PRAG1: variants seen among roughly 807,000 people sequenced by gnomAD.
PRAG1 encodes inactive tyrosine-protein kinase PRAG1.
In PRAG1, 110 loss-of-function variants were observed where a neutral mutation model predicts 95.6. That is an observed-to-expected ratio of 1.15 (90% CI 0.99 to 1.35). PRAG1 has a LOEUF of 1.35. Among genes scored for constraint, PRAG1 ranks in the 40% most tolerant of loss-of-function variants. The pLI is 0.00. For synonymous variants in PRAG1, 1,052 were observed against 819.4 expected (o/e 1.28, Z -4.85); for missense variants, 2,554 against 1,864.7 (o/e 1.37, Z -6.81).
chr8:8,350,398 A>G (rs373864841), intron 3 of PRAG1, among the ~76,000 whole-genome samples: 1 of 152,196 alleles, frequency 6.6e-6, no homozygotes, highest in African/African-American at 2.4e-5. Context: ...ACGTGTTCCA[A>G]CTCATGGCCT....
intron 2 of PRAG1, among the ~76,000 whole-genome samples, chr8:8,380,306 C>A (rs1800589409): frequency 6.6e-6 from 1 of 151,724 alleles, no homozygotes; most frequent in South Asian, 2.1e-4. Context: ...AAATTAAAAA[C>A]TAAAAAAATA....
intron 3 of PRAG1, among the ~76,000 whole-genome samples, chr8:8,341,624 T>C (rs1799166059): frequency 6.6e-6 from 1 of 152,252 alleles, no homozygotes; most frequent in Admixed American, 6.5e-5. Flanking sequence ...TGTTTCTCCT[T>C]TACTCTGTGA....
Position 8,319,132 on chromosome 8 carries a change from A to G in PRAG1, c.3243T>C (p.Pro1081=), listed in dbSNP as rs960327458. The change falls in exon 6 of 6, where the codon CCT becomes CCC. Residue 1081 remains proline (P), a synonymous_variant. Coordinates refer to ENST00000615670, the MANE Select transcript of PRAG1 (RefSeq NM_001080826.3). ...CCACCACGCAGTCCTGCTCCTGGGC[A>G]GGGGGGTGTGTGGGCAGGGCAGGCA... The part of the protein sequence containing the change: ...DPVPALPTHP[P]AQEQDCVVVI... 5.6e-6 allele frequency: 9 copies of G among 1,605,618 alleles called. No individual in the cohort carries two copies. The East Asian group carries it at 2.0e-4, about 36-fold the overall frequency.
intron 3 of PRAG1, among the ~76,000 whole-genome samples, chr8:8,354,764 A>G (rs1048170451): frequency 3.1e-4 from 47 of 152,162 alleles, no homozygotes; most frequent in Non-Finnish European, 1.9e-4. Context: ...GGTATAAAAG[A>G]AAAGTTCCTC....
intron 3 of PRAG1, among the ~76,000 whole-genome samples, chr8:8,371,516 A>C (rs1053309094): frequency 3.3e-5 from 5 of 151,874 alleles, no homozygotes; most frequent in Admixed American, 6.6e-5. Flanking sequence ...GCCTTGGCCT[A>C]CCAAAGTGCT....
intron 4 of PRAG1, among the ~76,000 whole-genome samples, chr8:8,329,493 T>A (rs946325856): frequency 2.6e-5 from 4 of 151,970 alleles, no homozygotes; most frequent in Admixed American, 1.3e-4. Flanking sequence ...GGGAAGAGCA[T>A]GGAGTGTCTC....
In PRAG1 at chr8:8,376,869, C is replaced by A. The variant is rs575894077; in HGVS notation, c.1540G>T (p.Glu514Ter). 1 of 1,613,212 alleles carries A rather than the reference C, an allele frequency of 6.2e-7. No homozygotes were observed. The highest frequency in any genetic ancestry group is 1.7e-5 in the Admixed American group (1 of 60,028). ...GPVSQNSEVGEEETSAGQGLS... is the reference protein window; with the variant it reads ...GPVSQNSEVG ...CCCTGCCCAGCCGAAGTCTCCTCTT[C>A]ACCTACCTCGGAGTTCTGGCTCACA... The change falls in exon 3 of 6, where the codon GAA becomes TAA. Residue 514 changes from glutamate to a stop codon, truncating the protein, a stop_gained. Transcript: ENST00000615670. LOFTEE classifies it high-confidence loss of function.
intron 3 of PRAG1, among the ~76,000 whole-genome samples, chr8:8,359,543 C>G (rs1799783638): frequency 6.6e-6 from 1 of 152,148 alleles, no homozygotes; most frequent in Admixed American, 6.5e-5. Flanking sequence ...TCAGTATGAC[C>G]CGTCTGATTA....
chr8:8,364,582 T>G (rs1214540297), intron 3 of PRAG1, among the ~76,000 whole-genome samples: 1 of 152,220 alleles, frequency 6.6e-6, no homozygotes, highest in Middle Eastern at 3.2e-3. Flanking sequence ...CTTTTTGGTC[T>G]TATTTTTCTC....
intron 3 of PRAG1, chr8:8,374,675 C>T (rs1030902040): frequency 7.1e-6 from 7 of 985,218 alleles, no homozygotes; most frequent in East Asian, 1.1e-4. Flanking sequence ...CTCATTCATT[C>T]GGGGACTACA....
intron 4 of PRAG1, among the ~76,000 whole-genome samples, chr8:8,330,136 C>A (rs751026503): frequency 6.6e-6 from 1 of 152,110 alleles, no homozygotes; most frequent in Non-Finnish European, 1.5e-5. Flanking sequence ...GAGGCCAAGG[C>A]GGGAGGATCA....
intron 3 of PRAG1, among the ~76,000 whole-genome samples, chr8:8,357,635 C>A (rs900669429): frequency 2.6e-5 from 4 of 152,246 alleles, no homozygotes; most frequent in African/African-American, 9.6e-5. Context: ...TAAGGCAGTT[C>A]CTCAAAAAAT....
chr8:8,361,344 G>T (rs1363536409), intron 3 of PRAG1, among the ~76,000 whole-genome samples: 1 of 152,196 alleles, frequency 6.6e-6, no homozygotes, highest in East Asian at 1.9e-4. Context: ...AAGAATCTGG[G>T]TTATATGGTG....
chr8:8,350,196 G>T (rs112146544), intron 3 of PRAG1, among the ~76,000 whole-genome samples: 5 of 152,302 alleles, frequency 3.3e-5, no homozygotes, highest in African/African-American at 7.2e-5. Flanking sequence ...CCAAAGAAGT[G>T]CTGGGCTGCC....
At chr8:8,342,294 G>A (rs1233720024) in intron 3 of PRAG1, among the ~76,000 whole-genome samples, 3 of 150,120 alleles carry the variant, frequency 2.0e-5, no homozygotes, top group East Asian at 4.0e-4. Flanking sequence ...CCGGGTTCAC[G>A]CCATTCTCCT....
intron 3 of PRAG1, among the ~76,000 whole-genome samples, chr8:8,353,684 A>G (rs555741078): frequency 8.5e-5 from 13 of 152,284 alleles, no homozygotes; most frequent in African/African-American, 3.1e-4. Context: ...GCTTATGCCC[A>G]TAATCCCAGT....
At position 8,376,236 on chromosome 8, in the gene PRAG1, A is replaced by G. The variant is rs768312291; in HGVS notation, c.2162+11T>C. The G allele has an allele frequency of 4.4e-6, 7 of 1,609,082 alleles. No individual in the cohort carries two copies. The highest frequency in any genetic ancestry group is 5.1e-6 in the Non-Finnish European group (6 of 1,177,846). ...CTGCAGACAGAGTCCCAGGCAGACA[A>G]TGGTACTCACCGCGACTTTGGAGGC... On this transcript the variant is annotated intron_variant, in intron 3 of 5. Transcript: ENST00000615670.
At chr8:8,319,905 G>A (rs775336692) in intron 5 of PRAG1, among the ~76,000 whole-genome samples, 5 of 152,186 alleles carry the variant, frequency 3.3e-5, no homozygotes, top group South Asian at 2.1e-4. Context: ...ATCAGTTCAC[G>A]CCCACTAGAA....
chr8:8,347,837 G>A (rs1799396055), intron 3 of PRAG1, among the ~76,000 whole-genome samples: 1 of 151,412 alleles, frequency 6.6e-6, no homozygotes, highest in African/African-American at 2.4e-5. Flanking sequence ...TATTTTTTGA[G>A]GCAAAGTCTC....
Sources: gnomAD v4.1 joint callset for allele counts (sites outside exome capture counted in the v4.1 genomes callset) on GRCh38, gnomAD v4.1.1 for gene constraint, MANE v1.5 for transcripts, NCBI Gene and HGNC (gene_info 2026-07-23, HGNC 2026-07-21) for gene names.